Variants in ZNF705G observed in about 807,000 individuals in gnomAD.
ZNF705G encodes the protein putative zinc finger protein 705G.
ZNF705G carries 23 observed loss-of-function variants against 19.6 expected under a neutral mutation model. The ratio of observed to expected loss-of-function variants is 1.17; its 90% CI spans 0.84 to 1.66. ZNF705G has a LOEUF of 1.66. ZNF705G is among the 40% of genes most tolerant of loss of function. The pLI is 0.00. For synonymous variants in ZNF705G, 146 were observed against 117.7 expected, an observed-to-expected ratio of 1.24 and a Z score of -1.56; for missense variants, 457 against 354.4, an observed-to-expected ratio of 1.29 and a Z score of -2.32.
chr8:7,362,690 T>C (rs563158909), intron 3 of ZNF705G, among the ~76,000 whole-genome samples: 2 of 149,620 alleles, frequency 1.3e-5, no homozygotes, highest in East Asian at 1.9e-4. Flanking sequence ...AGAAATTATA[T>C]TGATAATTTC....
chr8:7,362,359 C>G (rs1806642436), intron 3 of ZNF705G, among the ~76,000 whole-genome samples: 1 of 149,690 alleles, frequency 6.7e-6, no homozygotes, highest in African/African-American at 2.6e-5. Context: ...TTTAAAAGCT[C>G]AAATACATTT....
chr8:7,378,714 C>T (rs1807349500), intron 2 of ZNF705G, among the ~76,000 whole-genome samples: 2 of 140,718 alleles, frequency 1.4e-5, no homozygotes, highest in Non-Finnish European at 3.0e-5. Flanking sequence ...GCGTTGAGTC[C>T]TCACATTCCA....
chr8:7,378,881 GT>G (rs1396050902), intron 2 of ZNF705G, among the ~76,000 whole-genome samples: 1 of 147,038 alleles, frequency 6.8e-6, no homozygotes, highest in Non-Finnish European at 1.5e-5. Context: ...TGCTTACACG[GT>G]GGCACATTCA....
chr8:7,371,040 A>G (rs1206907633), intron 2 of ZNF705G, among the ~76,000 whole-genome samples: 3 of 135,904 alleles, frequency 2.2e-5, no homozygotes, highest in Non-Finnish European at 4.7e-5. Flanking sequence ...TAGGAGGGGA[A>G]CAACACACAC....
At chr8:7,362,756 C>A (rs1322092889) in intron 3 of ZNF705G, among the ~76,000 whole-genome samples, 179 bp downstream of exon 3, 1 of 149,172 alleles carries the variant, frequency 6.7e-6, no homozygotes, top group Admixed American at 6.6e-5. Flanking sequence ...TAATGGGGGG[C>A]CAGATACCTG....
intron 2 of ZNF705G, among the ~76,000 whole-genome samples, chr8:7,364,218 G>A (rs1395692663): frequency 1.3e-5 from 2 of 149,536 alleles, no homozygotes; most frequent in East Asian, 3.9e-4. Flanking sequence ...ATGTTTATAT[G>A]AATGTATGTG....
At position 7,359,622 on chromosome 8, in the gene ZNF705G, T is replaced by A; in HGVS notation, c.315A>T (p.Thr105=). The change falls in exon 6 of 7, where the codon ACA becomes ACT. Residue 105 remains threonine, a synonymous_variant. Coordinates refer to ENST00000400156, the MANE Select transcript of ZNF705G (RefSeq NM_001164457.3). ...TGTACACAGCTATAAAACTTACCAT[T>A]GTCATACTGGTGGATGCGTCTTTTC... ...ITRKDASTSM[T]MENSLILEDP... 1 of 1,606,654 alleles carries A rather than the reference T, an allele frequency of 6.2e-7. No homozygotes were observed.
At chr8:7,364,315 A>G (rs565909390) in intron 2 of ZNF705G, among the ~76,000 whole-genome samples, 1 of 149,856 alleles carries the variant, frequency 6.7e-6, no homozygotes, top group East Asian at 1.9e-4. Context: ...AATGATAATT[A>G]TGTGTCATAA....
intron 2 of ZNF705G, among the ~76,000 whole-genome samples, chr8:7,368,073 C>T (rs1346262302): frequency 6.7e-6 from 1 of 149,542 alleles, no homozygotes; most frequent in African/African-American, 2.6e-5. Flanking sequence ...AATGCATCCT[C>T]TGATTGGCTT....
At chr8:7,364,493 A>T (rs1287956783) in intron 2 of ZNF705G, among the ~76,000 whole-genome samples, 1 of 149,672 alleles carries the variant, frequency 6.7e-6, no homozygotes, top group Non-Finnish European at 1.5e-5. Context: ...AATGATCAAC[A>T]GAGTTTGAAA....
At position 7,361,149 on chromosome 8, in the gene ZNF705G, C is replaced by T. The variant is rs1806571122; in HGVS notation, c.100G>A (p.Asp34Asn). ...TGACTGATATTTTCCAGCATCACAT[C>T]TCTGTACAGCTTTCTCTTGGATGTG... ...MDTSKRKLYR[D>N]VMLENISHLV... Residue 34 changes from aspartate to asparagine, a missense_variant, in exon 4 of 7, where the codon GAT becomes AAT. By Grantham distance (23) the Asp-to-Asn change is conservative (BLOSUM62 1). Transcript: ENST00000400156. 1.9e-6 allele frequency: 3 copies of T among 1,592,924 alleles called. No individual in the cohort carries two copies. The highest frequency in any genetic ancestry group is 2.5e-6 in the Non-Finnish European group (3 of 1,179,460).
rs1487779683 is a variant in ZNF705G at position 7,362,185 on chromosome 8, C to A, written c.12+750G>T. On this transcript the variant is annotated intron_variant, in intron 3 of 6. Transcript: ENST00000400156. ...TTTCCACAGAACCCTAAATTGTACT[C>A]TATCTACTATATTCCTTCTTCTGAG... 2.7e-5 allele frequency among the ~76,000 whole-genome samples: 4 copies of A among 149,590 alleles called. 1 individual carries two copies. Among genetic ancestry groups the A allele is most frequent in the African/African-American group, 1.0e-4 (4 of 39,016 alleles).
rs1309771584 is a variant in ZNF705G at position 7,375,388 on chromosome 8, G to A, written c.-72+6064C>T. On this transcript the variant is annotated intron_variant, in intron 2 of 6. Coordinates refer to ENST00000400156, the MANE Select transcript of ZNF705G (RefSeq NM_001164457.3). ...TCTTTTTATGGATGCATAGTATTCC[G>A]TGACATATATGTACTACATTTTCTT... Among the ~76,000 whole-genome samples, 3 of 92,766 alleles carry A rather than the reference G, an allele frequency of 3.2e-5. 1 individual carries two copies. The highest frequency in any genetic ancestry group is 6.3e-5 in the Non-Finnish European group (3 of 47,546). The allele number at this position is 92,766 out of a possible 152,430, so 60.9% of individuals were successfully genotyped here.
chr8:7,369,949 T>A (rs1807022341), intron 2 of ZNF705G, among the ~76,000 whole-genome samples: 1 of 149,152 alleles, frequency 6.7e-6, no homozygotes, highest in South Asian at 2.1e-4. Flanking sequence ...ATGTTTTCTA[T>A]CTGGGTTACA....
intron 4 of ZNF705G, among the ~76,000 whole-genome samples, chr8:7,360,563 A>G (rs1459501196): frequency 6.7e-6 from 1 of 149,448 alleles, no homozygotes; most frequent in Non-Finnish European, 1.5e-5. Context: ...GTCAGGACCT[A>G]TGAATGCTGA....
At chr8:7,383,125 A>ATTTTT (rs5889203) in intron 1 of ZNF705G, among the ~76,000 whole-genome samples, 63 of 125,760 alleles carry the variant, frequency 5.0e-4, no homozygotes, top group African/African-American at 1.7e-3. Context: ...TCAATGTTTG[A>ATTTTT]TTTTTTTTTT....
At chr8:7,359,893 A>G (rs554163659) in intron 5 of ZNF705G, among the ~76,000 whole-genome samples, 192 bp from the exon 6 acceptor site, 1 of 149,762 alleles carries the variant, frequency 6.7e-6, no homozygotes, top group Admixed American at 6.6e-5. Context: ...TAAAATTAAA[A>G]TGTGAAAAGA....
intron 2 of ZNF705G, among the ~76,000 whole-genome samples, chr8:7,376,691 A>T (rs1389654618): frequency 2.0e-5 from 3 of 150,200 alleles, no homozygotes; most frequent in Non-Finnish European, 4.4e-5. Flanking sequence ...CAGAGATATG[A>T]GTAGTGAGTG....
intron 2 of ZNF705G, among the ~76,000 whole-genome samples, chr8:7,367,956 T>C (rs377669616): frequency 1.3e-5 from 2 of 149,668 alleles, no homozygotes; most frequent in African/African-American, 2.6e-5. Context: ...AAATAAAAAG[T>C]TGGAGGATGC....
Sources: allele counts gnomAD v4.1 joint callset (sites outside exome capture counted in the v4.1 genomes callset), GRCh38; gene constraint gnomAD v4.1.1; transcripts MANE v1.5; gene names NCBI Gene and HGNC (gene_info 2026-07-23, HGNC 2026-07-21).